Variants in FBXO34 observed in about 807,000 individuals in gnomAD.
FBXO34 encodes the protein F-box protein 34, also known as F-box only protein 34.
In FBXO34, 12 loss-of-function variants were observed where a neutral mutation model predicts 24.5. The observed-to-expected ratio is 0.49, with a 90% CI of 0.31 to 0.79. The LOEUF (loss-of-function observed/expected upper bound fraction) is 0.79. Ranked by LOEUF, FBXO34 falls within the 30% of genes least tolerant of loss-of-function variation. The pLI is 0.04. For synonymous variants in FBXO34, 320 were observed against 311.9 expected (o/e 1.03, Z -0.27); for missense variants, 823 against 857.7 (o/e 0.96, Z 0.51).
At chr14:55,435,725 A>G in the FBXO34 span, 1 of 706,752 alleles carries the variant, frequency 1.4e-6, no homozygotes, top group Non-Finnish European at 2.3e-6. Flanking sequence ...TGAGTTGCCA[A>G]AAGCTTTTTC....
the FBXO34 span, among the ~76,000 whole-genome samples, chr14:55,438,461 C>T: frequency 6.6e-6 from 1 of 152,182 alleles, no homozygotes; most frequent in African/African-American, 2.4e-5. Context: ...GGCCCCAATT[C>T]CACTGCAGGG....
chr14:55,428,684 A>G, the FBXO34 span: 3 of 1,065,932 alleles, frequency 2.8e-6, no homozygotes, highest in South Asian at 1.7e-5. Flanking sequence ...TCTTTTCACT[A>G]TTGTGTCCCC....
chr14:55,434,781 T>C, the FBXO34 span, among the ~76,000 whole-genome samples: 2 of 152,192 alleles, frequency 1.3e-5, no homozygotes, highest in African/African-American at 4.8e-5. Context: ...GCAACAATAC[T>C]AGGGCAACAG....
At chr14:55,424,136 CA>C in the FBXO34 span, 1 of 1,556,512 alleles carries the variant, frequency 6.4e-7, no homozygotes, top group Non-Finnish European at 8.8e-7. Context: ...TTTTATGAGT[CA>C]GAAAATAATC....
At chr14:55,430,314 C>T in the FBXO34 span, among the ~76,000 whole-genome samples, 1 of 150,756 alleles carries the variant, frequency 6.6e-6, no homozygotes, top group Admixed American at 6.6e-5. Context: ...TTATCCAGAT[C>T]CTTCACCAAC....
chr14:55,360,231 C>A (rs981342819), intron 3 of FBXO34, among the ~76,000 whole-genome samples: 1 of 152,044 alleles, frequency 6.6e-6, no homozygotes. Context: ...CACCACCATG[C>A]CTGGCTAATT....
chr14:55,385,731 G>C, the FBXO34 span: 3 of 865,916 alleles, frequency 3.5e-6, no homozygotes, highest in Non-Finnish European at 5.3e-6. Context: ...AAACAGATAA[G>C]ACTTATGTTC....
Position 55,350,728 on chromosome 14 carries a change from C to G in FBXO34, c.338C>G (p.Pro113Arg), listed in dbSNP as rs1304988179. 6.2e-7 allele frequency: 1 copy of G among 1,611,718 alleles called. No individual in the cohort carries two copies. Among genetic ancestry groups the G allele is most frequent in the Admixed American group, 1.7e-5 (1 of 59,284 alleles). The change falls in exon 2 of 2, where the codon CCT becomes CGT. Residue 113 changes from proline to arginine, a missense_variant. Pro to Arg is a moderately radical substitution (Grantham distance 103). Coordinates refer to ENST00000313833, the MANE Select transcript of FBXO34 (RefSeq NM_017943.4). ...GPLDIWAVVK[P>R]GNTKEKIAFF... ...CTTGATATCTGGGCTGTTGTGAAAC[C>G]TGGAAATACCAAGGAAAAAATTGCA...
chr14:55,284,102 A>G (rs1004748710), intron 1 of FBXO34, among the ~76,000 whole-genome samples: 6 of 152,030 alleles, frequency 3.9e-5, no homozygotes, highest in African/African-American at 1.4e-4. Flanking sequence ...GAGCTCAAGC[A>G]GTCCTCTTGC....
intron 1 of FBXO34, among the ~76,000 whole-genome samples, chr14:55,333,402 T>C (rs564167513): frequency 2.0e-5 from 3 of 152,306 alleles, no homozygotes; most frequent in South Asian, 2.1e-4. Flanking sequence ...CAGATTCTCC[T>C]TTGTGGTTTG....
rs147618469 is a variant in FBXO34, at chr14:55,310,813, C to T, written c.-11+39276C>T. Among the ~76,000 whole-genome samples the T allele has an allele frequency of 3.3e-5, 5 of 152,228 alleles. No homozygotes were observed. The East Asian group carries it at 9.6e-4, about 29-fold the overall frequency. ...CTCTTTGCTAAGCAAATTTCTTAAA[C>T]ATCCTATGATGACCATCATCCAGTT... On this transcript the variant is annotated intron_variant, in intron 1 of 1. Transcript: ENST00000313833.
the FBXO34 span, among the ~76,000 whole-genome samples, chr14:55,406,104 G>C: frequency 6.6e-6 from 1 of 152,134 alleles, no homozygotes; most frequent in South Asian, 2.1e-4. Flanking sequence ...AAGACACATG[G>C]TTCCCTTCTT....
chr14:55,344,585 G>T (rs1391323261), intron 1 of FBXO34, among the ~76,000 whole-genome samples: 1 of 148,426 alleles, frequency 6.7e-6, no homozygotes, highest in Non-Finnish European at 1.5e-5. Flanking sequence ...TGGGATACAT[G>T]TGCAGAATTT....
chr14:55,410,704 G>C, the FBXO34 span, among the ~76,000 whole-genome samples: 7 of 152,192 alleles, frequency 4.6e-5, no homozygotes, highest in Non-Finnish European at 8.8e-5. Context: ...TGTGTGACCT[G>C]GGGCAAAGCA....
intron 1 of FBXO34, among the ~76,000 whole-genome samples, chr14:55,306,002 A>G (rs913096643): frequency 5.3e-5 from 8 of 152,212 alleles, no homozygotes; most frequent in South Asian, 2.1e-4. Flanking sequence ...AAATAGTTCA[A>G]TGTTTGATCA....
chr14:55,331,441 CTA>C (rs1381954030), intron 1 of FBXO34, among the ~76,000 whole-genome samples: 1 of 150,928 alleles, frequency 6.6e-6, no homozygotes, highest in Non-Finnish European at 1.5e-5. Context: ...TTTCTAATTT[CTA>C]TGTTACAAAT....
intron 1 of FBXO34, among the ~76,000 whole-genome samples, chr14:55,296,673 G>A (rs1367305958): frequency 6.6e-6 from 1 of 151,978 alleles, no homozygotes; most frequent in Admixed American, 6.5e-5. Context: ...TGGGAATACA[G>A]GCATGAGCCA....
chr14:55,343,241 ATT>A (rs377334751), intron 1 of FBXO34, among the ~76,000 whole-genome samples: 44,840 of 130,348 alleles, frequency 0.34, 6,803 homozygotes, highest in Non-Finnish European at 0.4. Context: ...TATTCCTCCG[ATT>A]TTTTTTTTTT....
intron 1 of FBXO34, among the ~76,000 whole-genome samples, chr14:55,326,841 G>T (rs1023427227): frequency 6.6e-6 from 1 of 152,126 alleles, no homozygotes; most frequent in Non-Finnish European, 1.5e-5. Flanking sequence ...ATGTTAATGA[G>T]GACAAAACAG....
Sources: gnomAD v4.1 joint callset for allele counts (sites outside exome capture counted in the v4.1 genomes callset) on GRCh38, gnomAD v4.1.1 for gene constraint, MANE v1.5 for transcripts, NCBI Gene and HGNC (gene_info 2026-07-23, HGNC 2026-07-21) for gene names.